NTM: variants seen among roughly 807,000 people sequenced by gnomAD.
NTM encodes neurotrimin.
NTM carries 13 observed loss-of-function variants against 42.1 expected under a neutral mutation model. The ratio of observed to expected loss-of-function variants is 0.31; its 90% CI spans 0.20 to 0.49. The LOEUF (loss-of-function observed/expected upper bound fraction) is 0.49. NTM is among the 20% of genes least tolerant of loss of function. The pLI, the probability that NTM is intolerant of heterozygous loss-of-function variation, is 0.99. For missense variants in NTM, 373 were observed against 452.8 expected (o/e 0.82, Z 1.60); for synonymous variants, 187 against 179.2 (o/e 1.04, Z -0.35).
chr11:131,717,740 C>T (rs373612482), intron 1 of NTM, among the ~76,000 whole-genome samples: 7 of 152,156 alleles, frequency 4.6e-5, no homozygotes, highest in African/African-American at 1.7e-4. Flanking sequence ...GCTAGATTCT[C>T]CAGTACAATG....
intron 1 of NTM, among the ~76,000 whole-genome samples, chr11:131,484,823 C>T (rs573421434): frequency 1.3e-5 from 2 of 152,254 alleles, no homozygotes; most frequent in East Asian, 3.9e-4. Context: ...CAGTGGGCCA[C>T]ACCCTGAGAA....
intron 1 of NTM, among the ~76,000 whole-genome samples, chr11:131,424,199 C>T (rs775621686): frequency 3.3e-5 from 5 of 152,062 alleles, no homozygotes; most frequent in Non-Finnish European, 5.9e-5. Context: ...AGAATTTCTG[C>T]TCTCTCACTT....
At chr11:132,134,557 A>G (rs573025962) in intron 2 of NTM, among the ~76,000 whole-genome samples, 2 of 150,756 alleles carry the variant, frequency 1.3e-5, no homozygotes, top group African/African-American at 2.4e-5. Context: ...GCTCCTATAT[A>G]TGAGTCATAT....
At chr11:132,129,829 C>A (rs1591703072) in intron 2 of NTM, among the ~76,000 whole-genome samples, 1 of 152,194 alleles carries the variant, frequency 6.6e-6, no homozygotes, top group Admixed American at 6.5e-5. Flanking sequence ...TGAGCTTTGC[C>A]AGAAATGTCT....
At chr11:131,621,832 A>G (rs546864187) in intron 1 of NTM, among the ~76,000 whole-genome samples, 71 of 151,134 alleles carry the variant, frequency 4.7e-4, no homozygotes, top group Admixed American at 6.6e-4. Context: ...AAAGAAAAAA[A>G]AAAAAAAAAA....
At chr11:131,387,042 T>C (rs570465893) in intron 1 of NTM, among the ~76,000 whole-genome samples, 1 of 152,218 alleles carries the variant, frequency 6.6e-6, no homozygotes, top group Non-Finnish European at 1.5e-5. Context: ...AGAATATCCT[T>C]TCTCAGCCCA....
At chr11:131,956,317 T>C (rs758439628) in intron 2 of NTM, among the ~76,000 whole-genome samples, 1 of 152,172 alleles carries the variant, frequency 6.6e-6, no homozygotes, top group Non-Finnish European at 1.5e-5. Flanking sequence ...AAAGTCCTAG[T>C]TATTAAATAT....
rs546729528 is a variant in NTM at position 131,990,532 on chromosome 11, ATG to A, written c.167+78894_167+78895del. Reference sequence around the variant, plus strand: ...TTGCATGTGTGTGTGTGTGTCTATAATGTGTGTGTGTCTATAAATCCAGGTTC... The same window carrying A: ...TTGCATGTGTGTGTGTGTGTCTATAATGTGTGTGTCTATAAATCCAGGTTC... On this transcript the variant is annotated intron_variant, in intron 2 of 8. Coordinates refer to ENST00000683400, the MANE Select transcript of NTM (RefSeq NM_001352005.2). Among the ~76,000 whole-genome samples the A allele has an allele frequency of 5.9e-5, 9 of 151,650 alleles. 1 individual carries two copies. The South Asian group carries it at 1.7e-3, about 28-fold the overall frequency.
intron 3 of NTM, among the ~76,000 whole-genome samples, chr11:132,208,372 T>C (rs921548616): frequency 1.3e-5 from 2 of 152,210 alleles, no homozygotes; most frequent in Non-Finnish European, 2.9e-5. Flanking sequence ...CCACCTCATC[T>C]CTATGCCATG....
chr11:132,290,948 G>C (rs76185630), intron 4 of NTM, among the ~76,000 whole-genome samples: 8,686 of 152,156 alleles, frequency 0.057, 844 homozygotes, highest in African/African-American at 0.2. Context: ...AGAATTATGA[G>C]TTGTTTCCGT....
chr11:132,314,712 G>A lies in NTM; in HGVS notation c.934+9G>A, dbSNP rs1565458508. 1 of 1,609,744 alleles carries A rather than the reference G, an allele frequency of 6.2e-7. No homozygotes were observed. The highest frequency in any genetic ancestry group is 1.1e-5 in the South Asian group (1 of 89,980). Reference sequence around the variant, plus strand: ...CAGCATCATGCTATTTGGTGAGACTGTGCTCTGAGCTGGGCAAGAAGAGGG... The same window carrying A: ...CAGCATCATGCTATTTGGTGAGACTATGCTCTGAGCTGGGCAAGAAGAGGG... On this transcript the variant is annotated intron_variant, in intron 7 of 8. Transcript: ENST00000683400.
intron 2 of NTM, among the ~76,000 whole-genome samples, chr11:132,120,643 C>G (rs1484148520): frequency 1.3e-5 from 2 of 152,196 alleles, no homozygotes; most frequent in Non-Finnish European, 2.9e-5. Flanking sequence ...CTTTCTTCAT[C>G]TGGTAGTAGG....
At chr11:132,013,136 G>A (rs899759578) in intron 2 of NTM, among the ~76,000 whole-genome samples, 6 of 152,146 alleles carry the variant, frequency 3.9e-5, no homozygotes, top group African/African-American at 1.4e-4. Context: ...AGGGGCAGCT[G>A]TGTGAAGTCA....
rs115379116 is a variant in NTM at position 131,849,232 on chromosome 11, C to A, written c.83-62332C>A. Among the ~76,000 whole-genome samples the A allele has an allele frequency of 2.9e-3, 439 of 152,158 alleles. 1 individual carries two copies. The highest frequency in any genetic ancestry group is 1.0e-2 in the African/African-American group (415 of 41,512). On this transcript the variant is annotated intron_variant, in intron 1 of 8. Coordinates refer to ENST00000683400, the MANE Select transcript of NTM (RefSeq NM_001352005.2). ...CACTTGTTCCTAATGTGTTTTGGGTCAAGTAGAACTATATTAGGCCATTTT... is the reference window on the plus strand; with the variant it reads ...CACTTGTTCCTAATGTGTTTTGGGTAAAGTAGAACTATATTAGGCCATTTT...
In NTM at chr11:131,453,675, A is replaced by G. The variant is rs1211183566; in HGVS notation, c.82+82787A>G. Among the ~76,000 whole-genome samples the G allele has an allele frequency of 3.9e-5, 6 of 152,188 alleles. No individual in the cohort carries two copies. The East Asian group carries it at 1.2e-3, about 29-fold the overall frequency. On this transcript the variant is annotated intron_variant, in intron 1 of 8. Coordinates refer to ENST00000683400, the MANE Select transcript of NTM (RefSeq NM_001352005.2). ...TATTGTATGTTGGTATAAAATATGC[A>G]ATCTAAGTGAAAGGGAACTGTCTAA...
At chr11:131,450,918 T>C (rs941389932) in intron 1 of NTM, among the ~76,000 whole-genome samples, 11 of 152,160 alleles carry the variant, frequency 7.2e-5, no homozygotes, top group African/African-American at 1.4e-4. Context: ...CCTTTTTTTT[T>C]CTCCAGAACT....
chr11:131,476,654 T>G (rs563299807), intron 1 of NTM, among the ~76,000 whole-genome samples: 1 of 151,930 alleles, frequency 6.6e-6, no homozygotes, highest in Non-Finnish European at 1.5e-5. Context: ...ATCAAGACAA[T>G]AAAAGAAAAA....
At chr11:131,796,497 A>G (rs1471142163) in intron 1 of NTM, among the ~76,000 whole-genome samples, 5 of 152,158 alleles carry the variant, frequency 3.3e-5, no homozygotes, top group Admixed American at 1.3e-4. Context: ...TGCCACAGGA[A>G]CCGCAGGCCA....
intron 2 of NTM, among the ~76,000 whole-genome samples, chr11:132,015,717 A>G (rs556796334): frequency 7.3e-5 from 11 of 151,646 alleles, no homozygotes; most frequent in African/African-American, 2.2e-4. Context: ...ATTTTCAGCT[A>G]GTGCATTCCT....
Sources: allele counts gnomAD v4.1 joint callset (sites outside exome capture counted in the v4.1 genomes callset), GRCh38; gene constraint gnomAD v4.1.1; transcripts MANE v1.5; gene names NCBI Gene and HGNC (gene_info 2026-07-23, HGNC 2026-07-21).